HRH2: variants seen among roughly 807,000 people sequenced by gnomAD.
The protein encoded by HRH2 is histamine H2 receptor.
A neutral mutation model predicts 20.1 loss-of-function variants in HRH2; 4 were observed. That is an observed-to-expected ratio of 0.20 (90% CI 0.10 to 0.45). The LOEUF (loss-of-function observed/expected upper bound fraction) is 0.45, where lower values mean the gene tolerates loss of function less well. HRH2 is among the 20% of genes least tolerant of loss of function. The pLI, the probability that HRH2 is intolerant of heterozygous loss-of-function variation, is 0.99. For synonymous variants in HRH2, 197 were observed against 200.7 expected (o/e 0.98, Z 0.16); for missense variants, 250 against 461.6 (o/e 0.54, Z 4.20).
chr5:175,676,819 C>T (rs1407940837), intron 1 of HRH2, among the ~76,000 whole-genome samples: 2 of 152,160 alleles, frequency 1.3e-5, no homozygotes, highest in African/African-American at 4.8e-5. Flanking sequence ...TGAGTGAGAA[C>T]GTGCAATATT....
In HRH2 at chr5:175,708,413, CAG is replaced by C. The variant is rs1453515687; in HGVS notation, c.*446_*447del. On this transcript the variant is annotated 3_prime_UTR_variant, in exon 3 of 3. Coordinates refer to ENST00000636584, the MANE Select transcript of HRH2 (RefSeq NM_001367711.1). Reference sequence around the variant, plus strand: ...GGATGAAGGAAAGGAAAGGAAAAGACAGAGAAAGGAAGGAAATAGCTTTTCAT... The same window carrying C: ...GGATGAAGGAAAGGAAAGGAAAAGACAGAAAGGAAGGAAATAGCTTTTCAT... The C allele has an allele frequency of 6.5e-6, 1 of 154,936 alleles. No individual in the cohort carries two copies. The highest frequency in any genetic ancestry group is 2.4e-5 in the African/African-American group (1 of 41,500). The allele number at this position is 154,936 out of a possible 1,614,324, so 9.6% of individuals were successfully genotyped here. A position where few individuals can be genotyped will look rare whatever the true frequency, so the allele number is the denominator to read the frequency against.
chr5:175,660,011 G>C (rs1323671813), intron 1 of HRH2, among the ~76,000 whole-genome samples: 1 of 152,100 alleles, frequency 6.6e-6, no homozygotes, highest in Non-Finnish European at 1.5e-5. Flanking sequence ...CTCAGCCTAG[G>C]CCGATTCTCC....
intron 2 of HRH2, among the ~76,000 whole-genome samples, chr5:175,684,553 C>G (rs1359409175): frequency 1.3e-5 from 2 of 152,222 alleles, no homozygotes; most frequent in East Asian, 1.9e-4. Context: ...ACAGCTGGGG[C>G]CTGAAGAGCG....
At chr5:175,674,114 T>A (rs937523065) in intron 1 of HRH2, among the ~76,000 whole-genome samples, 1 of 152,262 alleles carries the variant, frequency 6.6e-6, no homozygotes, top group African/African-American at 2.4e-5. Flanking sequence ...CATCCGCTGT[T>A]GGCAGAGGCC....
At chr5:175,707,302 C>T (rs116108961) in intron 2 of HRH2, among the ~76,000 whole-genome samples, 155 of 152,132 alleles carry the variant, frequency 1.0e-3, no homozygotes, top group African/African-American at 3.5e-3. Context: ...TAGTGGCACG[C>T]ACCTATAGTG....
At chr5:175,663,009 T>C (rs1762783841) in intron 1 of HRH2, among the ~76,000 whole-genome samples, 1 of 152,264 alleles carries the variant, frequency 6.6e-6, no homozygotes, top group South Asian at 2.1e-4. Flanking sequence ...CTTCATGCCT[T>C]GTTATGGCTA....
intron 2 of HRH2, among the ~76,000 whole-genome samples, chr5:175,706,826 C>G (rs960235894): frequency 5.9e-5 from 9 of 152,226 alleles, no homozygotes; most frequent in African/African-American, 2.2e-4. Context: ...TCCAAACCCA[C>G]AGCTATCATC....
At chr5:175,685,322 T>A (rs1324825703) in intron 2 of HRH2, 2 of 1,316,028 alleles carry the variant, frequency 1.5e-6, no homozygotes, top group Non-Finnish European at 2.1e-6. Flanking sequence ...CTTTAGCTGC[T>A]GAAAAGAGCA....
intron 1 of HRH2, among the ~76,000 whole-genome samples, chr5:175,662,495 C>T (rs868027462): frequency 5.3e-5 from 8 of 152,212 alleles, no homozygotes; most frequent in African/African-American, 1.9e-4. Flanking sequence ...CATTCCTGAC[C>T]AGGGATCAGC....
At chr5:175,692,515 CCT>C (rs1341598364) in intron 2 of HRH2, among the ~76,000 whole-genome samples, 2 of 152,192 alleles carry the variant, frequency 1.3e-5, no homozygotes, top group Non-Finnish European at 2.9e-5. Context: ...AAAATGCCTC[CCT>C]GAGAGAATTA....
At chr5:175,704,402 A>G (rs947201189) in intron 2 of HRH2, among the ~76,000 whole-genome samples, 3 of 152,070 alleles carry the variant, frequency 2.0e-5, no homozygotes, top group African/African-American at 7.2e-5. Flanking sequence ...TATTATATCA[A>G]TCGAAGCAGA....
At position 175,707,871 on chromosome 5, in the gene HRH2, G is replaced by A. The variant is rs1272028214; in HGVS notation, c.1169G>A (p.Gly390Glu). ...CTCAGGTTCCTTCAGAGACACATGG[G>A]AGGCCCCTCGGAGGAGCTATCGGGG... ...WGLRFLQRHM[G>E]GPSEELSGEP... Residue 390 changes from glycine (G) to glutamate (E), a missense_variant, in exon 3 of 3, where the codon GGA becomes GAA. Physicochemically the swap from Gly to Glu is moderately conservative, Grantham distance 98 (BLOSUM62 -2). This residue lies in a region of HRH2 where 55 missense variants were observed against 66.9 expected (regional missense o/e 0.82). Coordinates refer to ENST00000636584, the MANE Select transcript of HRH2 (RefSeq NM_001367711.1). 2.5e-6 allele frequency: 1 copy of A among 399,196 alleles called. No individual in the cohort carries two copies. Among genetic ancestry groups the A allele is most frequent in the African/African-American group, 2.1e-5 (1 of 48,644 alleles). 24.7% of individuals were successfully genotyped at this position (399,196 alleles called of 1,614,324 possible). A position where few individuals can be genotyped will look rare whatever the true frequency, so the allele number is the denominator to read the frequency against.
rs946746435 is a variant in HRH2 at position 175,687,087 on chromosome 5, C to T, written c.1076+2778C>T. 5.9e-5 allele frequency among the ~76,000 whole-genome samples: 9 copies of T among 152,144 alleles called. No individual in the cohort carries two copies. The highest frequency in any genetic ancestry group is 1.2e-4 in the African/African-American group (5 of 41,450). On this transcript the variant is annotated intron_variant, in intron 2 of 2. Transcript: ENST00000636584. The surrounding 1 kb of genome is among the most constrained non-coding windows in gnomAD (Gnocchi z 5.2). ...CCAGAGCCCATGCTCCTGGAGATCA[C>T]GGCTATGGTCTGTCCTCCAGCCCCC...
At position 175,683,310 on chromosome 5, in the gene HRH2, C is replaced by A. The variant is rs766184951; in HGVS notation, c.77C>A (p.Ala26Glu). 2 of 1,614,166 alleles carry A rather than the reference C, an allele frequency of 1.2e-6. No individual in the cohort carries two copies. Among genetic ancestry groups the A allele is most frequent in the Non-Finnish European group, 1.7e-6 (2 of 1,180,030 alleles). Reference protein sequence around the residue: ...ACKITITVVLAVLILITVAGN... With the variant: ...ACKITITVVLEVLILITVAGN... ...AAGATCACCATCACCGTGGTCCTTG[C>A]GGTCCTCATCCTCATCACCGTTGCT... The change falls in exon 2 of 3, where the codon GCG (alanine) becomes GAG (glutamate). Residue 26 changes from alanine (A) to glutamate (E), a missense_variant. Ala to Glu is a moderately radical substitution (Grantham distance 107). Coordinates refer to ENST00000636584, the MANE Select transcript of HRH2 (RefSeq NM_001367711.1).
intron 1 of HRH2, among the ~76,000 whole-genome samples, chr5:175,665,413 CAGTG>C (rs1561718981): frequency 6.6e-6 from 1 of 152,124 alleles, no homozygotes; most frequent in Non-Finnish European, 1.5e-5. Flanking sequence ...GTTAAAGAAA[CAGTG>C]AGAGGCCCTG....
At chr5:175,674,219 CA>C (rs1359309799) in intron 1 of HRH2, among the ~76,000 whole-genome samples, 9 of 152,186 alleles carry the variant, frequency 5.9e-5, no homozygotes, top group Non-Finnish European at 8.8e-5. Context: ...CCTTCTGCGG[CA>C]GGGGGGGTCT....
intron 2 of HRH2, among the ~76,000 whole-genome samples, chr5:175,691,675 G>A (rs1442811370): frequency 6.6e-6 from 1 of 152,090 alleles, no homozygotes; most frequent in Non-Finnish European, 1.5e-5. Context: ...CTAAGGTCAG[G>A]AGTTTGAGAC....
intron 1 of HRH2, among the ~76,000 whole-genome samples, chr5:175,661,285 T>A (rs1762729791): frequency 6.7e-6 from 1 of 149,200 alleles, no homozygotes; most frequent in Admixed American, 6.6e-5. Context: ...ACAGGATGTC[T>A]CCTCCTTGCC....
chr5:175,686,659 G>A lies in HRH2; in HGVS notation c.1076+2350G>A, dbSNP rs781424585. 6.6e-6 allele frequency among the ~76,000 whole-genome samples: 1 copy of A among 152,222 alleles called. No individual in the cohort carries two copies. The highest frequency in any genetic ancestry group is 1.5e-5 in the Non-Finnish European group (1 of 68,034). ...GGGCCCGGGAGCCCATCCCGGAGAG[G>A]AGACCTCTGAGCTTTTAAATGCAAA... On this transcript the variant is annotated intron_variant, in intron 2 of 2. Coordinates refer to ENST00000636584, the MANE Select transcript of HRH2 (RefSeq NM_001367711.1). The surrounding 1 kb of genome is among the most constrained non-coding windows in gnomAD (Gnocchi z 4.7).
Sources: allele counts gnomAD v4.1 joint callset (sites outside exome capture counted in the v4.1 genomes callset), GRCh38; gene constraint gnomAD v4.1.1; regional missense constraint gnomAD v4.1.1; non-coding constraint Gnocchi (gnomAD v3.1); transcripts MANE v1.5; gene names NCBI Gene and HGNC (gene_info 2026-07-23, HGNC 2026-07-21).